Variants in KLHL26 observed in about 807,000 individuals in gnomAD.
The protein encoded by KLHL26 is kelch like family member 26.
KLHL26 carries 4 observed loss-of-function variants against 7.1 expected under a neutral mutation model. That is an observed-to-expected ratio of 0.56 (90% CI 0.28 to 1.28). KLHL26 has a LOEUF of 1.28. Among genes scored for constraint, KLHL26 ranks in the 50% most tolerant of loss-of-function variants. The probability of loss-of-function intolerance (pLI) is 0.11; values close to 1 mark genes in which losing one functional copy is unlikely to be tolerated. For synonymous variants in KLHL26, 465 were observed against 414.1 expected (o/e 1.12, Z -1.49); for missense variants, 896 against 924.6 (o/e 0.97, Z 0.40).
Position 18,670,313 on chromosome 19 carries a change from G to C in KLHL26, c.*1068G>C, listed in dbSNP as rs1379023461. ...TGGTTTTACTGTTTTTAAGAAGCCA[G>C]CACTGCTGTCTCATAGATGGGATTT... On this transcript the variant is annotated 3_prime_UTR_variant, in exon 3 of 3. Coordinates refer to ENST00000300976, the MANE Select transcript of KLHL26 (RefSeq NM_018316.3). The C allele has an allele frequency of 3.3e-5, 5 of 152,108 alleles. No homozygotes were observed. The highest frequency in any genetic ancestry group is 5.9e-5 in the Non-Finnish European group (4 of 68,034). 9.4% of individuals were successfully genotyped at this position (152,108 alleles called of 1,614,324 possible). A position where few individuals can be genotyped will look rare whatever the true frequency, so the allele number is the denominator to read the frequency against.
In KLHL26 at chr19:18,668,394, C is replaced by T; in HGVS notation, c.997C>T (p.Leu333=). 6.2e-7 allele frequency: 1 copy of T among 1,607,286 alleles called. No individual in the cohort carries two copies. The highest frequency in any genetic ancestry group is 8.5e-7 in the Non-Finnish European group (1 of 1,179,008). ...DRSVSSKVYQ[L]PEPGARHFRE... ...CTCGGTCAGCAGCAAGGTCTACCAGCTGCCTGAGCCGGGAGCCCGCCACTT... is the reference window on the plus strand; with the variant it reads ...CTCGGTCAGCAGCAAGGTCTACCAGTTGCCTGAGCCGGGAGCCCGCCACTT... The change falls in exon 3 of 3, where the codon CTG becomes TTG. Residue 333 remains leucine, a synonymous_variant. Transcript: ENST00000300976.
chr19:18,660,549 C>T (rs1046822046), intron 1 of KLHL26, among the ~76,000 whole-genome samples: 1 of 152,212 alleles, frequency 6.6e-6, no homozygotes, highest in Non-Finnish European at 1.5e-5. Context: ...CTGGACCAGC[C>T]TGAGTAATGG....
chr19:18,660,525 C>T (rs931344774), intron 1 of KLHL26, among the ~76,000 whole-genome samples: 1 of 152,214 alleles, frequency 6.6e-6, no homozygotes, highest in African/African-American at 2.4e-5. Context: ...CCCGCCGTGC[C>T]GGCCGCCCCC....
rs760125318 is a variant in KLHL26, at chr19:18,664,387, C to G, written c.210C>G (p.Asn70Lys). The change falls in exon 2 of 3, where the codon AAC (asparagine) becomes AAG (lysine). Residue 70 changes from asparagine (N) to lysine (K), a missense_variant. Physicochemically the swap from Asn to Lys is moderately conservative, Grantham distance 94. Transcript: ENST00000300976. ...GQLLDVVLTINREAFPAHKVV... is the reference protein window; with the variant it reads ...GQLLDVVLTIKREAFPAHKVV... ...TCCTCGATGTTGTGCTGACTATTAA[C>G]AGAGAGGCCTTTCCTGCACACAAGG... The G allele has an allele frequency of 6.2e-7, 1 of 1,608,014 alleles. No individual in the cohort carries two copies. The highest frequency in any genetic ancestry group is 8.5e-7 in the Non-Finnish European group (1 of 1,178,506).
intron 1 of KLHL26, among the ~76,000 whole-genome samples, chr19:18,643,556 A>G (rs760289418): frequency 1.3e-5 from 2 of 151,678 alleles, no homozygotes; most frequent in Non-Finnish European, 2.9e-5. Flanking sequence ...TCGGTTCACC[A>G]AAACATCCGC....
chr19:18,642,809 G>T (rs975237758), intron 1 of KLHL26, among the ~76,000 whole-genome samples: 4 of 152,128 alleles, frequency 2.6e-5, no homozygotes, highest in Non-Finnish European at 5.9e-5. Context: ...CCGAGTAGCT[G>T]GGACTACAGG....
At chr19:18,642,249 C>T (rs1365434152) in intron 1 of KLHL26, among the ~76,000 whole-genome samples, 2 of 152,056 alleles carry the variant, frequency 1.3e-5, no homozygotes, top group South Asian at 4.1e-4. Flanking sequence ...CCTCTTCATC[C>T]TTCCACTCTC....
At chr19:18,667,024 C>T (rs953086148) in intron 2 of KLHL26, among the ~76,000 whole-genome samples, 3 of 152,186 alleles carry the variant, frequency 2.0e-5, no homozygotes, top group Non-Finnish European at 2.9e-5. Context: ...CCCGGGCCAC[C>T]GCTCCTGCAG....
At chr19:18,666,140 G>C (rs745849119) in intron 2 of KLHL26, among the ~76,000 whole-genome samples, 1 of 152,236 alleles carries the variant, frequency 6.6e-6, no homozygotes, top group African/African-American at 2.4e-5. Context: ...GCGTGGACCC[G>C]TGGGGACAAG....
At chr19:18,658,235 C>G (rs971939265) in intron 1 of KLHL26, among the ~76,000 whole-genome samples, 1 of 152,050 alleles carries the variant, frequency 6.6e-6, no homozygotes, top group African/African-American at 2.4e-5. Flanking sequence ...CCTGTGCCTG[C>G]TTGGCAAGGT....
At chr19:18,639,063 C>G (rs1218805802) in intron 1 of KLHL26, among the ~76,000 whole-genome samples, 1 of 151,832 alleles carries the variant, frequency 6.6e-6, no homozygotes, top group Admixed American at 6.6e-5. Context: ...ACAATTCACT[C>G]ATTTTGTTTT....
intron 1 of KLHL26, among the ~76,000 whole-genome samples, chr19:18,658,822 C>T (rs1406352588): frequency 6.7e-6 from 1 of 150,174 alleles, no homozygotes; most frequent in Non-Finnish European, 1.5e-5. Flanking sequence ...TGCTGGGCCT[C>T]CGTCTCTCCC....
chr19:18,661,962 C>T (rs574346646), intron 1 of KLHL26, among the ~76,000 whole-genome samples: 1 of 152,288 alleles, frequency 6.6e-6, no homozygotes, highest in Admixed American at 6.5e-5. Context: ...TCACTGCAGC[C>T]TCCACCTCCC....
intron 2 of KLHL26, 182 bp from the exon 3 acceptor site, chr19:18,667,482 G>T: frequency 9.4e-7 from 1 of 1,065,630 alleles, no homozygotes; most frequent in Non-Finnish European, 1.3e-6. Context: ...GGGATTACAG[G>T]CATGAGCCAC....
Position 18,668,665 on chromosome 19 carries a change from G to A in KLHL26, c.1268G>A (p.Arg423Gln). The A allele has an allele frequency of 1.3e-6, 2 of 1,570,206 alleles. No homozygotes were observed. The highest frequency in any genetic ancestry group is 1.7e-6 in the Non-Finnish European group (2 of 1,162,430). Residue 423 changes from arginine (R) to glutamine (Q), a missense_variant, in exon 3 of 3, where the codon CGA becomes CAA. Physicochemically the swap from Arg to Gln is conservative, Grantham distance 43. Transcript: ENST00000300976. ...GMVYATGGRN[R>Q]AGSLASVERY... ...GTGTACGCCACGGGCGGCCGCAACC[G>A]AGCCGGCAGCCTGGCCTCCGTGGAG...
chr19:18,643,762 G>A (rs1976755938), intron 1 of KLHL26, among the ~76,000 whole-genome samples: 1 of 152,042 alleles, frequency 6.6e-6, no homozygotes. Flanking sequence ...ACAGGCATGA[G>A]CCACTGTGTC....
At chr19:18,640,095 CT>C (rs1976686886) in intron 1 of KLHL26, among the ~76,000 whole-genome samples, 1 of 151,384 alleles carries the variant, frequency 6.6e-6, no homozygotes, top group African/African-American at 2.4e-5. Context: ...GGTTGATGGA[CT>C]GTTGGGTTGT....
chr19:18,668,682 T>C lies in KLHL26; in HGVS notation c.1285T>C (p.Ser429Pro), dbSNP rs759595983. The change falls in exon 3 of 3, where the codon TCC becomes CCC. Residue 429 changes from serine to proline, a missense_variant. Ser to Pro is a moderately conservative substitution (Grantham distance 74). Coordinates refer to ENST00000300976, the MANE Select transcript of KLHL26 (RefSeq NM_018316.3). ...GGRNRAGSLA[S>P]VERYCPRRNE... ...CCGCAACCGAGCCGGCAGCCTGGCC[T>C]CCGTGGAGCGGTACTGCCCCCGGCG... 1.3e-6 allele frequency: 2 copies of C among 1,575,298 alleles called. No individual in the cohort carries two copies. Among genetic ancestry groups the C allele is most frequent in the Non-Finnish European group, 1.7e-6 (2 of 1,164,938 alleles).
At chr19:18,664,050 A>G (rs1076234) in intron 1 of KLHL26, among the ~76,000 whole-genome samples, 55,524 of 150,132 alleles carry the variant, frequency 0.37, 10,748 homozygotes, top group African/African-American at 0.48. Context: ...CCACCCCATC[A>G]GCAGTCACTC....
Sources: allele counts gnomAD v4.1 joint callset (sites outside exome capture counted in the v4.1 genomes callset), GRCh38; gene constraint gnomAD v4.1.1; transcripts MANE v1.5; gene names NCBI Gene and HGNC (gene_info 2026-07-23, HGNC 2026-07-21).